Variants in RHBDD1 observed in about 807,000 individuals in gnomAD.
The protein encoded by RHBDD1 is rhomboid-related protein 4.
RHBDD1 carries 38 observed loss-of-function variants against 36.3 expected under a neutral mutation model. The observed-to-expected ratio is 1.05, with a 90% CI of 0.81 to 1.37. The LOEUF is 1.37. Ranked by LOEUF, RHBDD1 falls within the 40% of genes most tolerant of loss-of-function variation. RHBDD1 has a pLI of 0.00. For synonymous variants in RHBDD1, 151 were observed against 136.5 expected, an observed-to-expected ratio of 1.11 and a Z score of -0.74; for missense variants, 393 against 377.6, an observed-to-expected ratio of 1.04 and a Z score of -0.34.
At chr2:226,918,541 A>G (rs1189486927) in intron 8 of RHBDD1, among the ~76,000 whole-genome samples, 1 of 152,038 alleles carries the variant, frequency 6.6e-6, no homozygotes, top group Non-Finnish European at 1.5e-5. Context: ...TATAGCTCCC[A>G]CAAATAAATA....
At chr2:226,865,411 A>G (rs1468969275) in intron 4 of RHBDD1, among the ~76,000 whole-genome samples, 2 of 152,238 alleles carry the variant, frequency 1.3e-5, no homozygotes, top group Non-Finnish European at 1.5e-5. Flanking sequence ...GGTCACAGAA[A>G]GACCCACAGA....
At chr2:226,955,945 A>G (rs902683474) in intron 8 of RHBDD1, among the ~76,000 whole-genome samples, 7 of 152,178 alleles carry the variant, frequency 4.6e-5, no homozygotes, top group Non-Finnish European at 1.0e-4. Context: ...ACAAGTAACG[A>G]TTATCTACCG....
upstream of RHBDD1, chr2:226,835,497 C>T (rs1660217774): frequency 2.6e-5 from 4 of 152,284 alleles, no homozygotes; most frequent in South Asian, 8.3e-4. Context: ...ATAAGCCGCC[C>T]TCCGGTTGTC....
upstream of RHBDD1, chr2:226,835,590 C>G (rs1314019499): frequency 6.6e-6 from 1 of 152,254 alleles, no homozygotes; most frequent in Non-Finnish European, 1.5e-5. Flanking sequence ...CAGCAGCTCC[C>G]CAGCCTCCGG....
chr2:226,812,647 C>CTCTTTTTTTT, the RHBDD1 span, among the ~76,000 whole-genome samples: 2 of 150,304 alleles, frequency 1.3e-5, no homozygotes, highest in African/African-American at 2.4e-5. Context: ...CTCTCTCTCT[C>CTCTTTTTTTT]TTTTTTTTTG....
At chr2:226,811,697 A>AT in the RHBDD1 span, among the ~76,000 whole-genome samples, 1 of 152,150 alleles carries the variant, frequency 6.6e-6, no homozygotes, top group African/African-American at 2.4e-5. Flanking sequence ...GAGGGGAATG[A>AT]TTTTTCTGGA....
intron 8 of RHBDD1, among the ~76,000 whole-genome samples, chr2:226,924,981 G>A (rs1401569619): frequency 6.6e-6 from 1 of 152,180 alleles, no homozygotes; most frequent in East Asian, 1.9e-4. Context: ...ATGATCTTTG[G>A]TTCTTATGAA....
At chr2:226,905,128 C>T (rs763202568) in intron 5 of RHBDD1, among the ~76,000 whole-genome samples, 3 of 151,296 alleles carry the variant, frequency 2.0e-5, no homozygotes, top group Non-Finnish European at 4.4e-5. Context: ...GGTCACTATT[C>T]CAGGCTGTGG....
At chr2:226,990,585 A>C (rs866080619) in intron 8 of RHBDD1, among the ~76,000 whole-genome samples, 2 of 152,070 alleles carry the variant, frequency 1.3e-5, no homozygotes, top group South Asian at 4.2e-4. Flanking sequence ...ATGGCCATCA[A>C]CTCATGGTGT....
At chr2:226,987,830 C>T (rs1371558313) in intron 8 of RHBDD1, among the ~76,000 whole-genome samples, 1 of 152,206 alleles carries the variant, frequency 6.6e-6, no homozygotes, top group African/African-American at 2.4e-5. Context: ...TCCTGGGCTC[C>T]AACCACCACT....
At chr2:226,839,891 C>G (rs1282086731) in intron 3 of RHBDD1, among the ~76,000 whole-genome samples, 1 of 152,002 alleles carries the variant, frequency 6.6e-6, no homozygotes, top group South Asian at 2.1e-4. Context: ...ACAAATGACT[C>G]GGGGAAAAAG....
At chr2:226,846,747 CAA>C (rs11366796) in intron 3 of RHBDD1, among the ~76,000 whole-genome samples, 1,407 of 70,062 alleles carry the variant, frequency 0.02, 6 homozygotes, top group Non-Finnish European at 0.039. Flanking sequence ...AATGCCATCT[CAA>C]AAAAAAAAAA....
At chr2:226,948,577 A>AATT (rs1559302839) in intron 8 of RHBDD1, among the ~76,000 whole-genome samples, 1 of 124,492 alleles carries the variant, frequency 8.0e-6, no homozygotes, top group Admixed American at 8.2e-5. Context: ...AAAAAAAAAA[A>AATT]AAAAAAAACG....
intron 3 of RHBDD1, among the ~76,000 whole-genome samples, chr2:226,853,193 C>G (rs1387639221): frequency 1.3e-5 from 2 of 152,120 alleles, no homozygotes; most frequent in Admixed American, 6.5e-5. Context: ...ATTCAAACTT[C>G]AGCTTATCCT....
Position 226,925,594 on chromosome 2 carries a change from C to G in RHBDD1, c.856+11243C>G, listed in dbSNP as rs181316985. 5.3e-5 allele frequency among the ~76,000 whole-genome samples: 8 copies of G among 152,188 alleles called. No individual in the cohort carries two copies. The East Asian group carries it at 1.5e-3, about 29-fold the overall frequency. On this transcript the variant is annotated intron_variant, in intron 8 of 8. Coordinates refer to ENST00000392062, the MANE Select transcript of RHBDD1 (RefSeq NM_001167608.3). ...GCCTTTGACAAATGTCTTCTTGATT[C>G]TTACACTTAGACAATTACAATGGTT... is the stretch of plus-strand genomic sequence containing the variant.
At chr2:226,813,873 G>A in the RHBDD1 span, among the ~76,000 whole-genome samples, 3 of 152,188 alleles carry the variant, frequency 2.0e-5, no homozygotes, top group Admixed American at 1.3e-4. Context: ...ATAGCATATG[G>A]TGGTGGGGAT....
At chr2:226,955,707 G>A (rs1951742965) in intron 8 of RHBDD1, among the ~76,000 whole-genome samples, 1 of 152,228 alleles carries the variant, frequency 6.6e-6, no homozygotes, top group Non-Finnish European at 1.5e-5. Flanking sequence ...TGGCTTGCAG[G>A]TGGCTGTCTT....
chr2:226,860,906 T>G (rs1311008952), intron 3 of RHBDD1, among the ~76,000 whole-genome samples: 1 of 152,206 alleles, frequency 6.6e-6, no homozygotes, highest in Non-Finnish European at 1.5e-5. Context: ...ATATTTTTAT[T>G]TCCTTCAACA....
At chr2:226,988,500 G>A in intron 8 of RHBDD1, 1 of 1,530,020 alleles carries the variant, frequency 6.5e-7, no homozygotes, top group Non-Finnish European at 8.8e-7. Flanking sequence ...AAAGACTCAG[G>A]CCTTGCGAGG....
Sources: allele counts gnomAD v4.1 joint callset (sites outside exome capture counted in the v4.1 genomes callset), GRCh38; gene constraint gnomAD v4.1.1; transcripts MANE v1.5; gene names NCBI Gene and HGNC (gene_info 2026-07-23, HGNC 2026-07-21).